The following MTA3 variants were observed in gnomAD, a reference collection of about 807,000 sequenced individuals.
The protein encoded by MTA3 is metastasis associated 1 family member 3.
MTA3 carries 34 observed loss-of-function variants against 83.5 expected under a neutral mutation model. That is an observed-to-expected ratio of 0.41 (90% CI 0.31 to 0.54). The LOEUF (loss-of-function observed/expected upper bound fraction) is 0.54, where lower values mean the gene tolerates loss of function less well. MTA3 is among the 20% of genes least tolerant of loss of function. The pLI, the probability that MTA3 is intolerant of heterozygous loss-of-function variation, is 0.33. For missense variants in MTA3, 761 were observed against 726.4 expected (o/e 1.05, Z -0.55); for synonymous variants, 303 against 252.7 (o/e 1.20, Z -1.89).
At position 42,548,878 on chromosome 2, in the gene MTA3, T is replaced by TATATATATATATA. The variant is rs1558428538; in HGVS notation, c.-140-21558_-140-21546dup. Reference sequence around the variant, plus strand: ...ATATATAATATATATATATATATAATATATATATATATATCAGCGGGCACG... The same window carrying TATATATATATATA: ...ATATATAATATATATATATATATAATATATATATATATAATATATATATATATCAGCGGGCACG... On this transcript the variant is annotated intron_variant, in intron 2 of 17. Coordinates refer to the MTA3 transcript ENST00000405592. Among the ~76,000 whole-genome samples, 21 of 11,290 alleles carry TATATATATATATA rather than the reference T, an allele frequency of 1.9e-3. 1 individual carries two copies. The highest frequency in any genetic ancestry group is 9.2e-3 in the African/African-American group (12 of 1,308). 7.4% of individuals were successfully genotyped at this position (11,290 alleles called of 152,430 possible).
intron 16 of MTA3, among the ~76,000 whole-genome samples, chr2:42,751,253 C>G (rs1669851306): frequency 6.6e-6 from 1 of 151,244 alleles, no homozygotes; most frequent in African/African-American, 2.5e-5. Context: ...TTGCAAAAAA[C>G]AAACAAACAA....
rs760702648 is a variant in MTA3, at chr2:42,754,480, C to T, written c.*1081C>T. 28 of 985,568 alleles carry T rather than the reference C, an allele frequency of 2.8e-5. No individual in the cohort carries two copies. The highest frequency in any genetic ancestry group is 3.4e-5 in the Non-Finnish European group (28 of 830,054). The allele number at this position is 985,568 out of a possible 1,614,324, so 61.1% of individuals were successfully genotyped here. A position where few individuals can be genotyped will look rare whatever the true frequency, so the allele number is the denominator to read the frequency against. On this transcript the variant is annotated 3_prime_UTR_variant, in exon 17 of 17. Transcript: ENST00000405094. ...CTTCGTGTTTCCCACCTGCCCTCGG[C>T]ACGAGCCCTTGGTGGCATCACAGTT...
chr2:42,692,434 T>C (rs1474495517), intron 9 of MTA3, among the ~76,000 whole-genome samples: 4 of 151,656 alleles, frequency 2.6e-5, no homozygotes, highest in Non-Finnish European at 4.4e-5. Context: ...TTTTTTTTTT[T>C]TTTCTTTTGA....
At chr2:42,645,316 G>C (rs1045761354) in intron 6 of MTA3, among the ~76,000 whole-genome samples, 2 of 152,072 alleles carry the variant, frequency 1.3e-5, no homozygotes, top group Non-Finnish European at 2.9e-5. Flanking sequence ...CTTGAGACCA[G>C]GAGTTCGAGA....
At chr2:42,675,149 T>G (rs1227679793) in intron 8 of MTA3, among the ~76,000 whole-genome samples, 1 of 152,030 alleles carries the variant, frequency 6.6e-6, no homozygotes. Context: ...CTTTTTTCTT[T>G]TTTTTGAGAC....
chr2:42,732,351 C>T (rs1243633027), intron 16 of MTA3, among the ~76,000 whole-genome samples: 2 of 152,218 alleles, frequency 1.3e-5, no homozygotes, highest in African/African-American at 4.8e-5. Flanking sequence ...GCTGCCAAGG[C>T]TTGGGGTTTC....
At chr2:42,518,109 A>G (rs1343667078) in intron 2 of MTA3, among the ~76,000 whole-genome samples, 1 of 151,914 alleles carries the variant, frequency 6.6e-6, no homozygotes, top group Non-Finnish European at 1.5e-5. Context: ...TGAACCCGGG[A>G]GGCAGAGGTT....
chr2:42,664,367 A>G (rs928562885), intron 8 of MTA3, among the ~76,000 whole-genome samples: 1 of 151,540 alleles, frequency 6.6e-6, no homozygotes, highest in African/African-American at 2.4e-5. Flanking sequence ...GTTGTTTTGT[A>G]CCATTAAATG....
intron 3 of MTA3, among the ~76,000 whole-genome samples, chr2:42,584,822 G>A (rs1429018711): frequency 6.6e-6 from 1 of 152,086 alleles, no homozygotes; most frequent in South Asian, 2.1e-4. Context: ...AGCTGTGTTC[G>A]TGCCACACCC....
At position 42,756,021 on chromosome 2, in the gene MTA3, C is replaced by T; in HGVS notation, c.*2622C>T. ...CAGTTTCCATCTCTCAGGGCCCACCCAGGAAAATGGATTTCAAGTGGGGGT... is the reference window on the plus strand; with the variant it reads ...CAGTTTCCATCTCTCAGGGCCCACCTAGGAAAATGGATTTCAAGTGGGGGT... On this transcript the variant is annotated 3_prime_UTR_variant, in exon 17 of 17. Coordinates refer to ENST00000405094, the MANE Select transcript of MTA3 (RefSeq NM_001330442.2). 1 of 985,004 alleles carries T rather than the reference C, an allele frequency of 1.0e-6. No individual in the cohort carries two copies. The highest frequency in any genetic ancestry group is 1.2e-6 in the Non-Finnish European group (1 of 829,528). 61.0% of individuals were successfully genotyped at this position (985,004 alleles called of 1,614,324 possible).
intron 8 of MTA3, among the ~76,000 whole-genome samples, chr2:42,664,546 T>C (rs1187943088): frequency 1.5e-5 from 2 of 136,132 alleles, no homozygotes; most frequent in Admixed American, 1.7e-4. Context: ...TGATCTTGGC[T>C]CACTGCAACC....
At chr2:42,652,530 G>A (rs1397937108) in intron 6 of MTA3, among the ~76,000 whole-genome samples, 1 of 152,132 alleles carries the variant, frequency 6.6e-6, no homozygotes, top group Non-Finnish European at 1.5e-5. Context: ...TTTAGAAGTA[G>A]AGAGTGGGTC....
At chr2:42,748,382 A>G (rs1372982389) in intron 16 of MTA3, among the ~76,000 whole-genome samples, 2 of 152,214 alleles carry the variant, frequency 1.3e-5, no homozygotes, top group Non-Finnish European at 2.9e-5. Flanking sequence ...AGAATTATAT[A>G]TAAATGGAGT....
chr2:42,729,068 A>G (rs1269757118), intron 16 of MTA3, among the ~76,000 whole-genome samples: 1 of 52,856 alleles, frequency 1.9e-5, no homozygotes, highest in African/African-American at 6.2e-5. Flanking sequence ...GTTTTCTTTT[A>G]TTAGTTTCAC....
In MTA3 at chr2:42,756,535, G is replaced by C. The variant is rs1036818571; in HGVS notation, c.*3136G>C. The C allele has an allele frequency of 6.1e-6, 6 of 985,652 alleles. No homozygotes were observed. In the African/African-American group the frequency reaches 1.0e-4, roughly 17 times the overall value. 61.1% of individuals were successfully genotyped at this position (985,652 alleles called of 1,614,324 possible). On this transcript the variant is annotated 3_prime_UTR_variant, in exon 17 of 17. Coordinates refer to ENST00000405094, the MANE Select transcript of MTA3 (RefSeq NM_001330442.2). ...AGCCTGGTGTTTATGCCCCACTGCT[G>C]TCCTAAGTCCCTGGCGAGGGGAGGT...
intron 16 of MTA3, among the ~76,000 whole-genome samples, chr2:42,752,004 A>G (rs1234316361): frequency 1.3e-5 from 2 of 152,208 alleles, no homozygotes; most frequent in Non-Finnish European, 2.9e-5. Context: ...CTACATTCAA[A>G]TCTTGACTCC....
intron 4 of MTA3, among the ~76,000 whole-genome samples, chr2:42,622,660 C>T (rs1685697153): frequency 1.3e-5 from 2 of 151,278 alleles, no homozygotes; most frequent in South Asian, 2.1e-4. Context: ...AAATTTTTGC[C>T]TATTTTTTTT....
chr2:42,646,536 C>A (rs1558539125), intron 6 of MTA3, among the ~76,000 whole-genome samples: 1 of 152,160 alleles, frequency 6.6e-6, no homozygotes, highest in Non-Finnish European at 1.5e-5. Flanking sequence ...GAAGTTGATT[C>A]CAACACTCGT....
chr2:42,543,678 G>A (rs1280780071), intron 2 of MTA3, among the ~76,000 whole-genome samples: 1 of 145,820 alleles, frequency 6.9e-6, no homozygotes, highest in African/African-American at 2.6e-5. Flanking sequence ...TACAGACAGG[G>A]TCTTACTCTG....
Sources: gnomAD v4.1 joint callset for allele counts (sites outside exome capture counted in the v4.1 genomes callset) on GRCh38, gnomAD v4.1.1 for gene constraint, MANE v1.5 for transcripts, NCBI Gene and HGNC (gene_info 2026-07-23, HGNC 2026-07-21) for gene names.